SV2B: variants seen among roughly 807,000 people sequenced by gnomAD.
SV2B encodes synaptic vesicle glycoprotein 2B, also known as solute carrier family 22 member B2.
In SV2B, 41 loss-of-function variants were observed where a neutral mutation model predicts 73.9. The observed-to-expected ratio is 0.56, with a 90% CI of 0.43 to 0.72. SV2B has a LOEUF of 0.72. SV2B is among the 30% of genes least tolerant of loss of function. The probability of loss-of-function intolerance (pLI) is 0.00; values close to 1 mark genes in which losing one functional copy is unlikely to be tolerated. For synonymous variants in SV2B, 314 were observed against 314.2 expected, an observed-to-expected ratio of 1.00 and a Z score of 0.01; for missense variants, 764 against 857.8, an observed-to-expected ratio of 0.89 and a Z score of 1.37.
chr15:91,175,099 G>T (rs77031540), intron 1 of SV2B, among the ~76,000 whole-genome samples: 4,797 of 152,250 alleles, frequency 0.032, 90 homozygotes, highest in Middle Eastern at 0.075. Flanking sequence ...GTCTGGAAAA[G>T]AGTAACTTTC....
chr15:91,214,961 T>C lies in SV2B; in HGVS notation c.-391-10912T>C, dbSNP rs2045975415. Among the ~76,000 whole-genome samples, 1 of 152,260 alleles carries C rather than the reference T, an allele frequency of 6.6e-6. No individual in the cohort carries two copies. The highest frequency in any genetic ancestry group is 2.4e-5 in the African/African-American group (1 of 41,466). ...TCTTGATTCTGTTTACCAGTCGTACTGCAGGCTGGGACCATTGTTGCTGAC... is the reference window on the plus strand; with the variant it reads ...TCTTGATTCTGTTTACCAGTCGTACCGCAGGCTGGGACCATTGTTGCTGAC... On this transcript the variant is annotated intron_variant, in intron 1 of 12. Coordinates refer to ENST00000394232, the MANE Select transcript of SV2B (RefSeq NM_001323032.3). The surrounding 1 kb of genome is among the most constrained non-coding windows in gnomAD (Gnocchi z 4.7).
At chr15:91,191,059 G>GTTT (rs1161482690) in intron 1 of SV2B, among the ~76,000 whole-genome samples, 2 of 59,728 alleles carry the variant, frequency 3.3e-5, no homozygotes, top group East Asian at 8.8e-4. Context: ...TTTTTTTGGT[G>GTTT]TTTCTTTTTT....
intron 1 of SV2B, among the ~76,000 whole-genome samples, chr15:91,193,744 T>C (rs1221069420): frequency 8.5e-5 from 13 of 152,186 alleles, no homozygotes; most frequent in African/African-American, 2.9e-4. Context: ...AATTTTCAAG[T>C]GAAGTGCTTA....
chr15:91,125,332 C>G (rs529025094), intron 1 of SV2B, among the ~76,000 whole-genome samples: 2 of 152,296 alleles, frequency 1.3e-5, no homozygotes, highest in Admixed American at 6.5e-5. Context: ...TGTTGAGTTT[C>G]TGTTCTGTGC....
rs559592041 is a variant in SV2B, at chr15:91,281,714, A to G, written c.1374-14A>G. 291 of 1,584,292 alleles carry G rather than the reference A, an allele frequency of 1.8e-4. 5 individuals carry two copies. The South Asian group carries it at 3.1e-3, about 17-fold the overall frequency. Reference sequence around the variant, plus strand: ...TCTCAGATGAATCACTCAAGGGTCAACCTCTTCCCACAGGTTCACAAGAAT... The same window carrying G: ...TCTCAGATGAATCACTCAAGGGTCAGCCTCTTCCCACAGGTTCACAAGAAT... On this transcript the variant is annotated splice_polypyrimidine_tract_variant and intron_variant, in intron 9 of 12. Coordinates refer to ENST00000394232, the MANE Select transcript of SV2B (RefSeq NM_001323032.3). The surrounding 1 kb of genome is among the most constrained non-coding windows in gnomAD (Gnocchi z 4.7).
chr15:91,255,306 C>T (rs751284526), intron 4 of SV2B, among the ~76,000 whole-genome samples: 14 of 152,164 alleles, frequency 9.2e-5, no homozygotes, highest in Non-Finnish European at 1.9e-4. Flanking sequence ...GGGCTGACAG[C>T]AGGGCTTGTG....
intron 1 of SV2B, among the ~76,000 whole-genome samples, chr15:91,169,413 G>A (rs1196190155): frequency 1.4e-5 from 2 of 146,712 alleles, no homozygotes; most frequent in Non-Finnish European, 2.9e-5. Flanking sequence ...ATGAATGAAA[G>A]ACAGCCCCCC....
chr15:91,162,159 GT>G (rs369699783), intron 1 of SV2B, among the ~76,000 whole-genome samples: 9,950 of 151,968 alleles, frequency 0.065, 433 homozygotes, highest in Non-Finnish European at 0.09. Flanking sequence ...AATCAATTCA[GT>G]TTTTTTTGGA....
intron 1 of SV2B, among the ~76,000 whole-genome samples, chr15:91,204,101 G>C (rs1459822055): frequency 1.3e-5 from 2 of 152,122 alleles, no homozygotes; most frequent in East Asian, 3.8e-4. Flanking sequence ...CTAGTGGGCT[G>C]GGGATGGGAG....
At position 91,267,490 on chromosome 15, in the gene SV2B, C is replaced by G. The variant is rs2048145352; in HGVS notation, c.1120-65C>G. 1 of 1,418,364 alleles carries G rather than the reference C, an allele frequency of 7.1e-7. No homozygotes were observed. The highest frequency in any genetic ancestry group is 1.4e-5 in the African/African-American group (1 of 71,320). 87.9% of individuals were successfully genotyped at this position (1,418,364 alleles called of 1,614,324 possible). On this transcript the variant is annotated intron_variant, in intron 7 of 12. Transcript: ENST00000394232. The surrounding 1 kb of genome is among the most constrained non-coding windows in gnomAD (Gnocchi z 4.3). ...TATTAGAATATCTGAGTAATGAGCT[C>G]TTCGTGGGAGAAACAAAGTCACACA...
At chr15:91,206,598 G>A (rs1277581545) in intron 1 of SV2B, among the ~76,000 whole-genome samples, 1 of 152,290 alleles carries the variant, frequency 6.6e-6, no homozygotes, top group East Asian at 1.9e-4. Flanking sequence ...CATCTGGGGA[G>A]GTTGTGGGCA....
At chr15:91,217,443 A>C (rs1446829295) in intron 1 of SV2B, among the ~76,000 whole-genome samples, 2 of 152,014 alleles carry the variant, frequency 1.3e-5, no homozygotes, top group Non-Finnish European at 2.9e-5. Flanking sequence ...AAGGGATAGC[A>C]TTAGGAGATA....
intron 1 of SV2B, among the ~76,000 whole-genome samples, chr15:91,196,477 T>C (rs1391881451): frequency 6.6e-6 from 1 of 152,178 alleles, no homozygotes; most frequent in Non-Finnish European, 1.5e-5. Flanking sequence ...ACCCCTTGGA[T>C]ATGCAGGGCC....
chr15:91,117,382 A>G (rs1005840747), intron 1 of SV2B, among the ~76,000 whole-genome samples: 3 of 152,260 alleles, frequency 2.0e-5, no homozygotes, highest in African/African-American at 7.2e-5. Context: ...CGAGGGTATT[A>G]ATTAGCTGCT....
At chr15:91,217,727 A>G (rs1481349370) in intron 1 of SV2B, among the ~76,000 whole-genome samples, 3 of 152,282 alleles carry the variant, frequency 2.0e-5, no homozygotes, top group Non-Finnish European at 4.4e-5. Context: ...ATTTTCACAG[A>G]TACATGAGAA....
In SV2B at chr15:91,176,361, G is replaced by A. The variant is rs892836405; in HGVS notation, c.-391-49512G>A. Among the ~76,000 whole-genome samples the A allele has an allele frequency of 2.6e-5, 4 of 151,792 alleles. No homozygotes were observed. In the South Asian group the frequency reaches 6.2e-4, roughly 24 times the overall value. On this transcript the variant is annotated intron_variant, in intron 1 of 12. Transcript: ENST00000394232. ...TGCCGCAATAAACATACATGTGCAT[G>A]TGTCTTTATAGCAGCATGATTTATA...
chr15:91,223,687 C>T lies in SV2B; in HGVS notation c.-391-2186C>T, dbSNP rs2046287762. ...GTGACTTATATTCCGCCGGTGGTCC[C>T]TAAATAGATGTAATAAAAACAGATT... On this transcript the variant is annotated intron_variant, in intron 1 of 12. Transcript: ENST00000394232. The surrounding 1 kb of genome is among the most constrained non-coding windows in gnomAD (Gnocchi z 4.6). Among the ~76,000 whole-genome samples, 1 of 152,184 alleles carries T rather than the reference C, an allele frequency of 6.6e-6. No homozygotes were observed. The highest frequency in any genetic ancestry group is 6.5e-5 in the Admixed American group (1 of 15,288).
intron 9 of SV2B, among the ~76,000 whole-genome samples, chr15:91,269,529 C>G (rs2048224374): frequency 2.0e-5 from 3 of 152,202 alleles, no homozygotes; most frequent in Admixed American, 1.3e-4. Flanking sequence ...ACCACGAATT[C>G]TCACCTCTGG....
intron 1 of SV2B, among the ~76,000 whole-genome samples, chr15:91,108,182 T>C (rs1321876340): frequency 6.6e-6 from 1 of 152,176 alleles, no homozygotes; most frequent in Non-Finnish European, 1.5e-5. Context: ...ATGTTCACAG[T>C]GCCATTTAGA....
Sources: gnomAD v4.1 joint callset for allele counts (sites outside exome capture counted in the v4.1 genomes callset) on GRCh38, gnomAD v4.1.1 for gene constraint, Gnocchi (gnomAD v3.1) non-coding constraint, MANE v1.5 for transcripts, NCBI Gene and HGNC (gene_info 2026-07-23, HGNC 2026-07-21) for gene names.